The following FOXN2 variants were observed in gnomAD, a reference collection of about 807,000 sequenced individuals.
FOXN2 encodes forkhead box N2.
In FOXN2, 19 loss-of-function variants were observed where a neutral mutation model predicts 41.2. The ratio of observed to expected loss-of-function variants is 0.46; its 90% CI spans 0.32 to 0.68. The LOEUF (loss-of-function observed/expected upper bound fraction) is 0.68. Ranked by LOEUF, FOXN2 falls within the 30% of genes least tolerant of loss-of-function variation. The pLI, the probability that FOXN2 is intolerant of heterozygous loss-of-function variation, is 0.03. For synonymous variants in FOXN2, 195 were observed against 176.8 expected (o/e 1.10, Z -0.82); for missense variants, 587 against 509.4 (o/e 1.15, Z -1.47).
rs1244361550 is a variant in FOXN2 at position 48,344,701 on chromosome 2, A to G, written c.-14-1500A>G. 3.9e-5 allele frequency among the ~76,000 whole-genome samples: 6 copies of G among 152,182 alleles called. No individual in the cohort carries two copies. The East Asian group carries it at 1.2e-3, about 29-fold the overall frequency. Reference sequence around the variant, plus strand: ...TCTGGTGGTAGCTCCCAGAATCCAGATAAACTGTTCTACATCTAAAATTAA... The same window carrying G: ...TCTGGTGGTAGCTCCCAGAATCCAGGTAAACTGTTCTACATCTAAAATTAA... On this transcript the variant is annotated intron_variant, in intron 2 of 6. Coordinates refer to ENST00000340553, the MANE Select transcript of FOXN2 (RefSeq NM_002158.4).
chr2:48,331,936 A>T (rs1670044721), intron 2 of FOXN2, among the ~76,000 whole-genome samples: 1 of 152,036 alleles, frequency 6.6e-6, no homozygotes, highest in Admixed American at 6.6e-5. Context: ...TGTAGCTGCT[A>T]GGCTGAAATT....
intron 2 of FOXN2, among the ~76,000 whole-genome samples, chr2:48,339,752 C>T (rs183125105): frequency 6.6e-6 from 1 of 152,318 alleles, no homozygotes; most frequent in East Asian, 1.9e-4. Context: ...AATTCTACTT[C>T]TTGACATATG....
rs183689503 is a variant in FOXN2, at chr2:48,365,323, G to A, written c.703+2616G>A. On this transcript the variant is annotated intron_variant, in intron 5 of 6. Coordinates refer to ENST00000340553, the MANE Select transcript of FOXN2 (RefSeq NM_002158.4). Reference sequence around the variant, plus strand: ...CTGCCTTAACATAAGACAAATATCCGTGTTCCTGTTACCTACATCAGTCAA... The same window carrying A: ...CTGCCTTAACATAAGACAAATATCCATGTTCCTGTTACCTACATCAGTCAA... Among the ~76,000 whole-genome samples, 209 of 152,284 alleles carry A rather than the reference G, an allele frequency of 1.4e-3. 1 individual carries two copies. The highest frequency in any genetic ancestry group is 1.7e-3 in the African/African-American group (71 of 41,562).
chr2:48,317,594 G>GTT (rs1669005674), intron 1 of FOXN2, among the ~76,000 whole-genome samples: 3 of 49,544 alleles, frequency 6.1e-5, no homozygotes, highest in African/African-American at 1.9e-4. Context: ...CTATAGTATT[G>GTT]CTTTTTTTTT....
chr2:48,338,965 T>C (rs560857376), intron 2 of FOXN2, among the ~76,000 whole-genome samples: 1 of 152,276 alleles, frequency 6.6e-6, no homozygotes, highest in South Asian at 2.1e-4. Context: ...ACATATAAGT[T>C]ATTAGTATCC....
intron 3 of FOXN2, among the ~76,000 whole-genome samples, chr2:48,354,266 G>C (rs925933236): frequency 1.3e-5 from 2 of 152,180 alleles, no homozygotes; most frequent in Admixed American, 1.3e-4. Flanking sequence ...AGAAGTTGTT[G>C]AGAAAGTAGC....
At chr2:48,315,018 G>A (rs1002373617) in intron 1 of FOXN2, among the ~76,000 whole-genome samples, 1 of 152,132 alleles carries the variant, frequency 6.6e-6, no homozygotes, top group Non-Finnish European at 1.5e-5. Flanking sequence ...GTATCGGGTG[G>A]TGTGTGGGCT....
At chr2:48,331,143 G>A (rs370202710) in intron 2 of FOXN2, among the ~76,000 whole-genome samples, 2 of 152,240 alleles carry the variant, frequency 1.3e-5, no homozygotes, top group East Asian at 3.9e-4. Context: ...TGGCTCAAGG[G>A]TACAAGGAAA....
intron 2 of FOXN2, among the ~76,000 whole-genome samples, chr2:48,337,055 C>CT (rs200701986): frequency 1.3e-3 from 182 of 143,626 alleles, no homozygotes; most frequent in African/African-American, 1.1e-3. Flanking sequence ...GTCTTATTCA[C>CT]TTTTTTTTTT....
intron 2 of FOXN2, among the ~76,000 whole-genome samples, chr2:48,332,396 G>A (rs971405634): frequency 1.3e-5 from 2 of 152,150 alleles, no homozygotes; most frequent in African/African-American, 2.4e-5. Flanking sequence ...CTATCATGTT[G>A]CATGATTGGC....
intron 3 of FOXN2, among the ~76,000 whole-genome samples, chr2:48,347,352 A>C (rs549711749): frequency 6.7e-6 from 1 of 150,346 alleles, no homozygotes; most frequent in East Asian, 2.0e-4. Context: ...CTCAGCATCC[A>C]GAATAGCTGG....
chr2:48,319,767 C>G (rs558317276), intron 1 of FOXN2, among the ~76,000 whole-genome samples: 2 of 150,170 alleles, frequency 1.3e-5, no homozygotes, highest in African/African-American at 4.9e-5. Context: ...CGCTCCACCA[C>G]CCCTGGCTAA....
intron 1 of FOXN2, among the ~76,000 whole-genome samples, chr2:48,321,507 G>A (rs965592988): frequency 1.3e-5 from 2 of 152,084 alleles, no homozygotes; most frequent in Non-Finnish European, 2.9e-5. Flanking sequence ...CTGCACTCCA[G>A]CCTGGGCGAC....
chr2:48,329,441 T>G (rs1669892531), intron 2 of FOXN2, among the ~76,000 whole-genome samples: 1 of 152,152 alleles, frequency 6.6e-6, no homozygotes, highest in Admixed American at 6.5e-5. Flanking sequence ...TTTATTTCAT[T>G]TTTTACTCTC....
At chr2:48,339,587 C>T (rs979885930) in intron 2 of FOXN2, among the ~76,000 whole-genome samples, 4 of 152,104 alleles carry the variant, frequency 2.6e-5, no homozygotes, top group African/African-American at 9.7e-5. Context: ...AGTGTAGAAA[C>T]GGACTAATAC....
intron 2 of FOXN2, among the ~76,000 whole-genome samples, chr2:48,335,593 A>T (rs541999906): frequency 6.6e-6 from 1 of 152,400 alleles, no homozygotes; most frequent in South Asian, 2.1e-4. Flanking sequence ...AAGTTCAGTG[A>T]CAGACTATTT....
chr2:48,335,680 T>C (rs62138817), intron 2 of FOXN2, among the ~76,000 whole-genome samples: 35,412 of 151,738 alleles, frequency 0.23, 4,375 homozygotes, highest in South Asian at 0.34. Flanking sequence ...GACAATTATA[T>C]AGGTGAATAA....
chr2:48,372,516 T>G (rs1672965980), intron 5 of FOXN2, among the ~76,000 whole-genome samples: 1 of 152,186 alleles, frequency 6.6e-6, no homozygotes. Context: ...TTATTAATGG[T>G]GTAATTTAGA....
chr2:48,356,269 T>G (rs1171479358), intron 3 of FOXN2, among the ~76,000 whole-genome samples: 1 of 152,152 alleles, frequency 6.6e-6, no homozygotes, highest in Non-Finnish European at 1.5e-5. Flanking sequence ...GGTGGAACCC[T>G]GTCTCTACTA....
Sources: gnomAD v4.1 joint callset for allele counts (sites outside exome capture counted in the v4.1 genomes callset) on GRCh38, gnomAD v4.1.1 for gene constraint, MANE v1.5 for transcripts, NCBI Gene and HGNC (gene_info 2026-07-23, HGNC 2026-07-21) for gene names.